RTL4: variants seen among roughly 807,000 people sequenced by gnomAD.
RTL4 encodes the protein retrotransposon Gag like 4.
In RTL4, 4 loss-of-function variants were observed where a neutral mutation model predicts 5.3. The observed-to-expected ratio is 0.75, with a 90% CI of 0.37 to 1.72. The LOEUF is 1.72. Ranked by LOEUF, RTL4 falls within the 40% of genes most tolerant of loss-of-function variation. RTL4 has a pLI of 0.04. For synonymous variants in RTL4, 98 were observed against 87.3 expected (o/e 1.12, Z -0.68); for missense variants, 260 against 227.1 (o/e 1.14, Z -0.93).
chrX:112,318,581 C>T, the RTL4 span, among the ~76,000 whole-genome samples: 1 of 111,851 alleles, frequency 8.9e-6, no homozygotes, highest in East Asian at 2.8e-4. Context: ...ATGTTATTAG[C>T]AGTCATCTAA....
the RTL4 span, among the ~76,000 whole-genome samples, chrX:112,209,417 C>T: frequency 3.4e-4 from 38 of 112,217 alleles, no homozygotes; most frequent in East Asian, 2.8e-3. Context: ...TTCCCTACAC[C>T]GCTGTCCTTC....
At chrX:112,345,465 C>T in the RTL4 span, among the ~76,000 whole-genome samples, 1 of 111,159 alleles carries the variant, frequency 9.0e-6, no homozygotes, top group East Asian at 2.8e-4. Context: ...TGCTCAGTTT[C>T]CCTGTGTTTT....
the RTL4 span, among the ~76,000 whole-genome samples, chrX:112,307,886 T>G: frequency 1.2e-4 from 13 of 111,828 alleles, no homozygotes; most frequent in African/African-American, 4.2e-4. Context: ...CATCACTCAC[T>G]TACAAGAGAG....
chrX:112,227,501 C>T, the RTL4 span, among the ~76,000 whole-genome samples: 151 of 111,246 alleles, frequency 1.4e-3, no homozygotes, highest in Middle Eastern at 0.019. Context: ...AAGCCTAGGC[C>T]AGGGTACTCC....
the RTL4 span, among the ~76,000 whole-genome samples, chrX:112,110,614 A>T: frequency 8.9e-6 from 1 of 111,935 alleles, no homozygotes; most frequent in African/African-American, 3.2e-5. Context: ...TGGGATTTCA[A>T]TTATTCTTTG....
the RTL4 span, among the ~76,000 whole-genome samples, chrX:112,230,943 CA>C: frequency 9.0e-6 from 1 of 111,678 alleles, no homozygotes; most frequent in Non-Finnish European, 1.9e-5. Flanking sequence ...CAAAAGAAGA[CA>C]TTTATGCAGC....
the RTL4 span, among the ~76,000 whole-genome samples, chrX:112,090,833 A>G: frequency 9.0e-6 from 1 of 111,268 alleles, no homozygotes; most frequent in Non-Finnish European, 1.9e-5. Flanking sequence ...GCTGTTAATT[A>G]TTCTTTAAAT....
the RTL4 span, among the ~76,000 whole-genome samples, chrX:112,439,736 C>A: frequency 9.0e-5 from 10 of 111,031 alleles, no homozygotes; most frequent in Admixed American, 9.6e-4. Flanking sequence ...CTGTTAGTTC[C>A]TGTGAGATCT....
the RTL4 span, among the ~76,000 whole-genome samples, chrX:112,402,073 A>G: frequency 8.1e-5 from 9 of 111,743 alleles, no homozygotes; most frequent in Non-Finnish European, 1.7e-4. Context: ...TCCAAGTCCT[A>G]TCTATCTCTC....
chrX:112,350,226 G>C, the RTL4 span, among the ~76,000 whole-genome samples: 7 of 110,490 alleles, frequency 6.3e-5, no homozygotes, highest in African/African-American at 2.0e-4. Context: ...ACTTGATCAT[G>C]GTGGATAAGC....
chrX:112,226,979 TAAAATAAAAC>T, the RTL4 span, among the ~76,000 whole-genome samples: 1 of 54,142 alleles, frequency 1.8e-5, no homozygotes, highest in South Asian at 1.3e-3. Context: ...AATAATAAAA[TAAAATAAAAC>T]AAAATAAAAT....
chrX:112,124,384 A>G, the RTL4 span, among the ~76,000 whole-genome samples: 1 of 111,826 alleles, frequency 8.9e-6, no homozygotes, highest in Non-Finnish European at 1.9e-5. Flanking sequence ...TGTTTATTGC[A>G]GCACTATTTA....
chrX:112,121,928 A>G, the RTL4 span, among the ~76,000 whole-genome samples: 1 of 112,026 alleles, frequency 8.9e-6, no homozygotes, highest in African/African-American at 3.2e-5. Flanking sequence ...TATTCATAAT[A>G]AAAATCAGCC....
At chrX:112,399,240 G>T in the RTL4 span, among the ~76,000 whole-genome samples, 1 of 111,439 alleles carries the variant, frequency 9.0e-6, no homozygotes, top group Non-Finnish European at 1.9e-5. Flanking sequence ...TCTGGCTAAA[G>T]GTTTACCTAT....
chrX:112,390,637 T>A, the RTL4 span, among the ~76,000 whole-genome samples: 3 of 110,346 alleles, frequency 2.7e-5, no homozygotes, highest in African/African-American at 9.9e-5. Flanking sequence ...CTCTTCTAAC[T>A]TGTAGGGTTT....
chrX:112,219,649 G>A, the RTL4 span, among the ~76,000 whole-genome samples: 404 of 112,320 alleles, frequency 3.6e-3, 3 homozygotes, highest in African/African-American at 0.012. Flanking sequence ...TTGAAAAAAT[G>A]ATGTCCATTA....
At chrX:112,120,580 G>GTTT in the RTL4 span, among the ~76,000 whole-genome samples, 90 of 92,981 alleles carry the variant, frequency 9.7e-4, 3 homozygotes, top group Middle Eastern at 0.01. Context: ...CCCGGCTGGG[G>GTTT]TTTTTTTTTT....
the RTL4 span, among the ~76,000 whole-genome samples, chrX:112,437,869 T>C: frequency 9.3e-6 from 1 of 108,010 alleles, no homozygotes; most frequent in African/African-American, 3.4e-5. Context: ...GAGGTTGTTA[T>C]GTCTTGCCTC....
the RTL4 span, among the ~76,000 whole-genome samples, chrX:112,274,897 A>G: frequency 2.0e-4 from 22 of 112,085 alleles, no homozygotes; most frequent in African/African-American, 6.8e-4. Context: ...CTAGCAGAGT[A>G]CATGTCATGA....
Sources: allele counts gnomAD v4.1 joint callset (sites outside exome capture counted in the v4.1 genomes callset), GRCh38; gene constraint gnomAD v4.1.1; transcripts MANE v1.5; gene names NCBI Gene and HGNC (gene_info 2026-07-23, HGNC 2026-07-21).